The following ADGRB3 variants were observed in gnomAD, a reference collection of about 807,000 sequenced individuals.
ADGRB3 encodes the protein brain-specific angiogenesis inhibitor 3.
A neutral mutation model predicts 193.4 loss-of-function variants in ADGRB3; 37 were observed. That is an observed-to-expected ratio of 0.19 (90% CI 0.15 to 0.25). The LOEUF is 0.25. ADGRB3 is among the 10% of genes least tolerant of loss of function. The pLI, the probability that ADGRB3 is intolerant of heterozygous loss-of-function variation, is 1.00. For missense variants in ADGRB3, 1,637 were observed against 1,852.9 expected (o/e 0.88, Z 2.14); for synonymous variants, 690 against 644.2 (o/e 1.07, Z -1.08).
At chr6:69,221,825 C>T (rs1194322762) in intron 17 of ADGRB3, among the ~76,000 whole-genome samples, 1 of 152,052 alleles carries the variant, frequency 6.6e-6, no homozygotes, top group Non-Finnish European at 1.5e-5. Flanking sequence ...AGATTACATT[C>T]TTTGCATTTC....
chr6:69,219,473 A>ACGTG (rs1765844859), intron 17 of ADGRB3, among the ~76,000 whole-genome samples: 1 of 77,406 alleles, frequency 1.3e-5, no homozygotes, highest in East Asian at 2.7e-4. Flanking sequence ...ATATATATAT[A>ACGTG]TATATATATA....
intron 3 of ADGRB3, among the ~76,000 whole-genome samples, chr6:68,848,390 C>A (rs770926318): frequency 2.4e-4 from 37 of 152,052 alleles, no homozygotes; most frequent in Non-Finnish European, 1.2e-4. Flanking sequence ...TTAAGAAATG[C>A]TAACTAAGAA....
At chr6:69,335,304 A>G (rs975772399) in intron 24 of ADGRB3, among the ~76,000 whole-genome samples, 6 of 150,700 alleles carry the variant, frequency 4.0e-5, no homozygotes, top group African/African-American at 1.2e-4. Flanking sequence ...TATCCATTCC[A>G]ATCTACATAT....
intron 26 of ADGRB3, among the ~76,000 whole-genome samples, chr6:69,350,298 CT>C (rs11420945): frequency 2.7e-5 from 4 of 146,756 alleles, no homozygotes; most frequent in Non-Finnish European, 3.0e-5. Flanking sequence ...TCTCGCCATT[CT>C]TTTTTTTTTT....
Position 68,921,889 on chromosome 6 carries a change from C to G in ADGRB3, c.758-8670C>G, listed in dbSNP as rs560674276. 2.6e-5 allele frequency among the ~76,000 whole-genome samples: 4 copies of G among 151,950 alleles called. No individual in the cohort carries two copies. In the South Asian group the frequency reaches 6.2e-4, roughly 24 times the overall value. On this transcript the variant is annotated intron_variant, in intron 3 of 31. Transcript: ENST00000370598. ...AGTAAGACCGCAATATCGTTTGTGT[C>G]GTAGTGACGTGGCTTTTGTGTCCAC... is the stretch of plus-strand genomic sequence containing the variant.
chr6:68,924,297 A>G (rs1360326213), intron 3 of ADGRB3, among the ~76,000 whole-genome samples: 8 of 151,986 alleles, frequency 5.3e-5, no homozygotes, highest in Non-Finnish European at 1.2e-4. Context: ...CATTTCCTGG[A>G]TGGCAAACAG....
At chr6:69,313,848 A>G (rs1000859570) in intron 20 of ADGRB3, among the ~76,000 whole-genome samples, 1 of 151,754 alleles carries the variant, frequency 6.6e-6, no homozygotes, top group African/African-American at 2.4e-5. Context: ...CTAGCCAATT[A>G]ACATAGGCAT....
intron 5 of ADGRB3, among the ~76,000 whole-genome samples, chr6:68,938,427 A>T (rs779781784): frequency 1.7e-5 from 2 of 119,222 alleles, no homozygotes; most frequent in Non-Finnish European, 3.4e-5. Flanking sequence ...CTTGTATAAC[A>T]TGATATTTTG....
intron 3 of ADGRB3, among the ~76,000 whole-genome samples, chr6:68,836,942 C>G (rs567119670): frequency 6.6e-6 from 1 of 152,234 alleles, no homozygotes; most frequent in Non-Finnish European, 1.5e-5. Flanking sequence ...TATTAAAAAT[C>G]CATATGCCTT....
At chr6:68,653,250 G>A (rs1168824437) in intron 3 of ADGRB3, among the ~76,000 whole-genome samples, 1 of 152,156 alleles carries the variant, frequency 6.6e-6, no homozygotes, top group Non-Finnish European at 1.5e-5. Context: ...TGAGGCATGA[G>A]CAAGGAATAA....
At chr6:69,134,895 C>T (rs1164347195) in intron 17 of ADGRB3, among the ~76,000 whole-genome samples, 2 of 151,844 alleles carry the variant, frequency 1.3e-5, no homozygotes, top group Non-Finnish European at 2.9e-5. Context: ...CCATAGAATA[C>T]AGTAAGTTAA....
intron 13 of ADGRB3, among the ~76,000 whole-genome samples, chr6:69,023,300 G>A (rs553201937): frequency 2.1e-4 from 32 of 152,248 alleles, no homozygotes; most frequent in Admixed American, 1.4e-3. Context: ...ACTTTGATAT[G>A]TGTCACATAA....
chr6:68,795,694 T>G (rs1025863866), intron 3 of ADGRB3, among the ~76,000 whole-genome samples: 7 of 152,076 alleles, frequency 4.6e-5, no homozygotes, highest in Non-Finnish European at 8.8e-5. Flanking sequence ...AAGGTTAAGC[T>G]AAGTAAGAAG....
intron 17 of ADGRB3, among the ~76,000 whole-genome samples, chr6:69,158,850 G>A (rs573181154): frequency 1.3e-5 from 2 of 152,054 alleles, no homozygotes; most frequent in African/African-American, 2.4e-5. Flanking sequence ...CAGTAATGCA[G>A]ACTATAATAT....
At chr6:68,673,130 A>G (rs1202972294) in intron 3 of ADGRB3, among the ~76,000 whole-genome samples, 2 of 152,026 alleles carry the variant, frequency 1.3e-5, no homozygotes, top group African/African-American at 4.8e-5. Flanking sequence ...TAATTAAATG[A>G]CAAGAACGAT....
At chr6:69,339,092 TTG>T in intron 25 of ADGRB3, 78 bp downstream of exon 25, 1 of 1,489,016 alleles carries the variant, frequency 6.7e-7, no homozygotes, top group Non-Finnish European at 9.3e-7. Flanking sequence ...TGAAAAAAAA[TTG>T]TGTTTTCTAA....
intron 3 of ADGRB3, among the ~76,000 whole-genome samples, chr6:68,772,952 A>T (rs1300407111): frequency 5.1e-5 from 7 of 137,176 alleles, no homozygotes; most frequent in Admixed American, 7.3e-5. Flanking sequence ...CACAAAAATA[A>T]AAAATAAAAA....
At chr6:69,031,975 G>T (rs1770724941) in intron 13 of ADGRB3, among the ~76,000 whole-genome samples, 1 of 152,144 alleles carries the variant, frequency 6.6e-6, no homozygotes, top group Admixed American at 6.6e-5. Flanking sequence ...TACAAAAAAA[G>T]TTTTTGATGA....
intron 3 of ADGRB3, among the ~76,000 whole-genome samples, chr6:68,811,030 G>A (rs1404072159): frequency 1.3e-5 from 2 of 151,992 alleles, no homozygotes; most frequent in Non-Finnish European, 2.9e-5. Flanking sequence ...GAACAACTAT[G>A]TGGCTTCATT....
Sources: gnomAD v4.1 joint callset for allele counts (sites outside exome capture counted in the v4.1 genomes callset) on GRCh38, gnomAD v4.1.1 for gene constraint, MANE v1.5 for transcripts, NCBI Gene and HGNC (gene_info 2026-07-23, HGNC 2026-07-21) for gene names.